Variants in CLUAP1 observed in about 807,000 individuals in gnomAD.
CLUAP1 encodes the protein clusterin-associated protein 1.
CLUAP1 carries 50 observed loss-of-function variants against 55.0 expected under a neutral mutation model. The observed-to-expected ratio is 0.91, with a 90% confidence interval of 0.72 to 1.15. CLUAP1 has a LOEUF of 1.15. Among genes scored for constraint, CLUAP1 ranks in the 50% most tolerant of loss-of-function variants. CLUAP1 has a pLI of 0.00. For synonymous variants in CLUAP1, 195 were observed against 175.4 expected, an observed-to-expected ratio of 1.11 and a Z score of -0.88; for missense variants, 530 against 507.6, an observed-to-expected ratio of 1.04 and a Z score of -0.42.
chr16:3,529,840 T>TAA (rs2038076565), intron 9 of CLUAP1, among the ~76,000 whole-genome samples: 1 of 57,348 alleles, frequency 1.7e-5, no homozygotes, highest in South Asian at 4.8e-4. Flanking sequence ...ATATAATATA[T>TAA]TATATAATAT....
chr16:3,515,723 A>T (rs1307490724), intron 6 of CLUAP1, 132 bp downstream of exon 6: 2 of 526,808 alleles, frequency 3.8e-6, no homozygotes, highest in South Asian at 7.0e-5. Context: ...GAAAAACTCA[A>T]GAGGACATTC....
At chr16:3,512,267 C>G (rs944932338) in intron 4 of CLUAP1, 116 bp from the exon 5 acceptor site, 2 of 690,908 alleles carry the variant, frequency 2.9e-6, no homozygotes, top group South Asian at 3.2e-5. Context: ...AGGCTGAGGT[C>G]GGAGGGTCAC....
At position 3,508,282 on chromosome 16, in the gene CLUAP1, A is replaced by G; in HGVS notation, c.220-7A>G. The G allele has an allele frequency of 6.3e-7, 1 of 1,585,254 alleles. No homozygotes were observed. The highest frequency in any genetic ancestry group is 8.5e-7 in the Non-Finnish European group (1 of 1,172,630). Reference sequence around the variant, plus strand: ...TTCAACTTTTTTTTTTTTTGGTCTAAAAATAGGCCACCAAGGCACATATAA... The same window carrying G: ...TTCAACTTTTTTTTTTTTTGGTCTAGAAATAGGCCACCAAGGCACATATAA... On this transcript the variant is annotated splice_polypyrimidine_tract_variant and splice_region_variant and intron_variant, in intron 3 of 11. Coordinates refer to ENST00000576634, the MANE Select transcript of CLUAP1 (RefSeq NM_015041.3).
At chr16:3,513,518 C>T (rs562718338) in intron 5 of CLUAP1, among the ~76,000 whole-genome samples, 1 of 152,064 alleles carries the variant, frequency 6.6e-6, no homozygotes, top group Non-Finnish European at 1.5e-5. Flanking sequence ...GGCTCAATCT[C>T]GGCTCACTAA....
intron 6 of CLUAP1, among the ~76,000 whole-genome samples, chr16:3,518,185 C>T (rs73503351): frequency 2.0e-3 from 306 of 152,068 alleles, no homozygotes; most frequent in African/African-American, 6.9e-3. Flanking sequence ...ACAGGTTTTC[C>T]GTAAATTTTT....
intron 2 of CLUAP1, among the ~76,000 whole-genome samples, chr16:3,505,497 A>G (rs1209906958): frequency 1.4e-5 from 2 of 147,612 alleles, no homozygotes; most frequent in African/African-American, 5.1e-5. Context: ...CAGTGAGCCG[A>G]GATAGCGCCA....
At chr16:3,532,744 TC>T (rs1567442773) in intron 10 of CLUAP1, 41 bp from the exon 11 acceptor site, 1 of 1,607,028 alleles carries the variant, frequency 6.2e-7, no homozygotes, top group Non-Finnish European at 8.5e-7. Context: ...TGCTTTATTT[TC>T]CAAGATTTTT....
chr16:3,536,331 T>C lies in CLUAP1; in HGVS notation c.*60T>C. On this transcript the variant is annotated 3_prime_UTR_variant, in exon 12 of 12. Coordinates refer to ENST00000576634, the MANE Select transcript of CLUAP1 (RefSeq NM_015041.3). ...CTCAGACTTGTAGGTAAATGGGAAC[T>C]TAGAAGGTTAGGAAGGTAACCCCTG... The C allele has an allele frequency of 6.4e-7, 1 of 1,571,114 alleles. No homozygotes were observed.
intron 8 of CLUAP1, among the ~76,000 whole-genome samples, chr16:3,525,300 A>AAC (rs1168369083): frequency 2.6e-5 from 4 of 152,196 alleles, no homozygotes; most frequent in Admixed American, 2.6e-4. Context: ...CTCTGGGTTC[A>AAC]GAGAACAAAC....
At chr16:3,517,499 T>C (rs1340527176) in intron 6 of CLUAP1, among the ~76,000 whole-genome samples, 4 of 151,706 alleles carry the variant, frequency 2.6e-5, no homozygotes, top group Non-Finnish European at 5.9e-5. Flanking sequence ...TTAGTAGAGA[T>C]GGAGTTTTGC....
intron 6 of CLUAP1, among the ~76,000 whole-genome samples, chr16:3,519,410 A>G (rs2037790850): frequency 6.6e-6 from 1 of 152,152 alleles, no homozygotes; most frequent in Admixed American, 6.5e-5. Flanking sequence ...CCTTCTCTCA[A>G]TCCCAGCAGG....
In CLUAP1 at chr16:3,508,372, A is replaced by G. The variant is rs2037549205; in HGVS notation, c.303A>G (p.Thr101=). The change falls in exon 4 of 12, where the codon ACA becomes ACG. Residue 101 remains threonine, a synonymous_variant. Transcript: ENST00000576634. ...CGGTAAAAGAGCTGCTGAAGATCAC[A>G]TCTGTCCTTTATAATGCTATGAAGA... is the stretch of plus-strand genomic sequence containing the variant. ...GYAVKELLKI[T]SVLYNAMKTK... The G allele has an allele frequency of 2.5e-6, 4 of 1,609,048 alleles. No individual in the cohort carries two copies. The African/African-American group carries it at 5.4e-5, about 22-fold the overall frequency.
At chr16:3,527,371 A>T (rs1380074035) in intron 9 of CLUAP1, among the ~76,000 whole-genome samples, 1 of 152,042 alleles carries the variant, frequency 6.6e-6, no homozygotes, top group Admixed American at 6.5e-5. Flanking sequence ...TGACCAGAAG[A>T]CAAGAGTGCA....
chr16:3,536,909 G>A lies in CLUAP1; in HGVS notation c.*638G>A, dbSNP rs2038243043. 6.6e-6 allele frequency: 1 copy of A among 152,212 alleles called. No individual in the cohort carries two copies. Among genetic ancestry groups the A allele is most frequent in the African/African-American group, 2.4e-5 (1 of 41,436 alleles). 9.4% of individuals were successfully genotyped at this position (152,212 alleles called of 1,614,324 possible). ...CAGGCAATAGAGACAGGCTCCAGAT[G>A]AGGAATCCTCCATTTTCTGTCCGAA... On this transcript the variant is annotated 3_prime_UTR_variant, in exon 12 of 12. Coordinates refer to ENST00000576634, the MANE Select transcript of CLUAP1 (RefSeq NM_015041.3).
chr16:3,515,073 G>A (rs555514384), intron 5 of CLUAP1, among the ~76,000 whole-genome samples: 105 of 152,200 alleles, frequency 6.9e-4, no homozygotes, highest in Non-Finnish European at 1.2e-3. Context: ...TGCAGGTAAA[G>A]AAGCAAATTG....
At chr16:3,503,357 G>T (rs1345858544) in intron 1 of CLUAP1, among the ~76,000 whole-genome samples, 4 of 152,140 alleles carry the variant, frequency 2.6e-5, no homozygotes, top group Non-Finnish European at 5.9e-5. Flanking sequence ...TAGAGACGGG[G>T]TTTCACCGTG....
At chr16:3,521,315 A>G (rs1445655705) in intron 7 of CLUAP1, among the ~76,000 whole-genome samples, 3 of 152,212 alleles carry the variant, frequency 2.0e-5, no homozygotes, top group Non-Finnish European at 4.4e-5. Flanking sequence ...AAAAGATTAT[A>G]ATTATTTCTG....
chr16:3,501,108 C>G lies in CLUAP1; in HGVS notation c.22+19C>G, dbSNP rs2037388299. The G allele has an allele frequency of 6.3e-7, 1 of 1,583,832 alleles. No homozygotes were observed. The highest frequency in any genetic ancestry group is 1.3e-5 in the African/African-American group (1 of 74,388). On this transcript the variant is annotated intron_variant, in intron 1 of 11. Transcript: ENST00000576634. ...CTCCGCAGTAAGGCAGCCCCGCGCC[C>G]CTGTGACCTGCGGGTCTTCCAGAGA... is the stretch of plus-strand genomic sequence containing the variant.
intron 7 of CLUAP1, among the ~76,000 whole-genome samples, chr16:3,520,246 C>T (rs1406538281): frequency 6.6e-6 from 1 of 151,886 alleles, no homozygotes; most frequent in Non-Finnish European, 1.5e-5. Flanking sequence ...GTGATACACA[C>T]CTGTAGTCCC....
Sources: allele counts gnomAD v4.1 joint callset (sites outside exome capture counted in the v4.1 genomes callset), GRCh38; gene constraint gnomAD v4.1.1; transcripts MANE v1.5; gene names NCBI Gene and HGNC (gene_info 2026-07-23, HGNC 2026-07-21).